Variants in TUBD1 observed in about 807,000 individuals in gnomAD.
The protein encoded by TUBD1 is tubulin delta 1.
A neutral mutation model predicts 51.2 loss-of-function variants in TUBD1; 38 were observed. The ratio of observed to expected loss-of-function variants is 0.74; its 90% CI spans 0.57 to 0.97. The LOEUF (loss-of-function observed/expected upper bound fraction) is 0.97. TUBD1 is among the 50% of genes least tolerant of loss of function. TUBD1 has a pLI of 0.00. For missense variants in TUBD1, 489 were observed against 538.4 expected, an observed-to-expected ratio of 0.91 and a Z score of 0.91; for synonymous variants, 169 against 178.2, an observed-to-expected ratio of 0.95 and a Z score of 0.41.
chr17:59,862,288 A>T (rs1268459053), intron 8 of TUBD1, among the ~76,000 whole-genome samples: 1 of 149,824 alleles, frequency 6.7e-6, no homozygotes, highest in Non-Finnish European at 1.5e-5. Flanking sequence ...ATGCCATTGC[A>T]CTCCAGTCTG....
chr17:59,885,040 T>C, intron 3 of TUBD1: 2 of 334,548 alleles, frequency 6.0e-6, no homozygotes, highest in South Asian at 2.7e-5. Flanking sequence ...GCCAGGGTCC[T>C]GGGAGTCCAG....
At chr17:59,870,409 C>CAAAAAAA (rs2039930459) in intron 6 of TUBD1, among the ~76,000 whole-genome samples, 1 of 86,792 alleles carries the variant, frequency 1.2e-5, no homozygotes, top group Non-Finnish European at 2.5e-5. Context: ...AAAAAAAAAT[C>CAAAAAAA]AAAGTGTAAA....
intron 6 of TUBD1, among the ~76,000 whole-genome samples, chr17:59,871,362 G>C (rs1018586416): frequency 1.3e-5 from 2 of 151,966 alleles, no homozygotes; most frequent in African/African-American, 4.8e-5. Flanking sequence ...ACCATGCCTG[G>C]CTAATTTTTT....
intron 6 of TUBD1, among the ~76,000 whole-genome samples, chr17:59,868,739 A>G (rs2039836176): frequency 6.6e-6 from 1 of 152,030 alleles, no homozygotes; most frequent in Non-Finnish European, 1.5e-5. Flanking sequence ...CAGGAGGCTG[A>G]GGCAGGGGAA....
At chr17:59,875,064 T>C (rs1179261511) in intron 5 of TUBD1, among the ~76,000 whole-genome samples, 1 of 147,462 alleles carries the variant, frequency 6.8e-6, no homozygotes, top group Non-Finnish European at 1.5e-5. Flanking sequence ...CACTAAATAT[T>C]GTTATATTCT....
chr17:59,875,810 G>T (rs967900110), intron 5 of TUBD1, among the ~76,000 whole-genome samples: 1 of 151,792 alleles, frequency 6.6e-6, no homozygotes, highest in Non-Finnish European at 1.5e-5. Context: ...TATTCCTTAA[G>T]ATAGGAATGT....
chr17:59,869,198 G>A (rs750829715), intron 6 of TUBD1, among the ~76,000 whole-genome samples: 6 of 151,756 alleles, frequency 4.0e-5, no homozygotes, highest in African/African-American at 9.7e-5. Flanking sequence ...ACACCCGGCC[G>A]GGCATGGTGG....
intron 2 of TUBD1, among the ~76,000 whole-genome samples, 194 bp downstream of exon 2, chr17:59,890,637 T>G (rs2040956412): frequency 6.6e-6 from 1 of 152,168 alleles, no homozygotes; most frequent in Non-Finnish European, 1.5e-5. Context: ...GGTTTTAAAT[T>G]GGTGAGATCT....
chr17:59,888,833 TC>T (rs1262544526), intron 2 of TUBD1, among the ~76,000 whole-genome samples: 1 of 151,282 alleles, frequency 6.6e-6, no homozygotes, highest in Non-Finnish European at 1.5e-5. Context: ...TGCCTCAGCC[TC>T]CCAAGTAGCT....
At chr17:59,887,951 TTG>T (rs913734212) in intron 2 of TUBD1, among the ~76,000 whole-genome samples, 2 of 151,924 alleles carry the variant, frequency 1.3e-5, no homozygotes, top group African/African-American at 4.8e-5. Flanking sequence ...TTTTTTTTTT[TTG>T]AGATGGAGTC....
chr17:59,863,975 C>T (rs891335826), intron 7 of TUBD1, 128 bp from the exon 8 acceptor site: 178 of 843,262 alleles, frequency 2.1e-4, no homozygotes, highest in Non-Finnish European at 1.2e-4. Context: ...CTTGTGATGG[C>T]TGGTGCAGAG....
chr17:59,861,913 A>G (rs2039467259), intron 8 of TUBD1, among the ~76,000 whole-genome samples: 2 of 150,416 alleles, frequency 1.3e-5, no homozygotes, highest in South Asian at 2.1e-4. Context: ...TGATTCGCCC[A>G]CCTTGGCCTC....
intron 3 of TUBD1, among the ~76,000 whole-genome samples, chr17:59,883,068 A>C (rs2040562194): frequency 6.6e-6 from 1 of 151,698 alleles, no homozygotes; most frequent in Non-Finnish European, 1.5e-5. Context: ...CACAAGCGAG[A>C]GCCACCATAC....
chr17:59,884,990 G>C (rs2040653424), intron 3 of TUBD1: 1 of 265,054 alleles, frequency 3.8e-6, no homozygotes, highest in South Asian at 3.9e-5. Flanking sequence ...CAGAATCTCA[G>C]CAGAAGGGAA....
intron 6 of TUBD1, among the ~76,000 whole-genome samples, chr17:59,869,305 C>T (rs887321666): frequency 1.7e-4 from 26 of 151,292 alleles, no homozygotes; most frequent in African/African-American, 6.1e-4. Context: ...GAAACCCCGT[C>T]TCTACTAAAA....
intron 2 of TUBD1, among the ~76,000 whole-genome samples, chr17:59,889,149 G>C (rs751267520): frequency 6.7e-6 from 1 of 150,348 alleles, no homozygotes; most frequent in Non-Finnish European, 1.5e-5. Flanking sequence ...GAATAACTGG[G>C]ATTACAGGTA....
At chr17:59,876,402 C>G (rs1022962944) in intron 5 of TUBD1, among the ~76,000 whole-genome samples, 1 of 149,122 alleles carries the variant, frequency 6.7e-6, no homozygotes, top group Admixed American at 6.8e-5. Context: ...ATTGCTCAGG[C>G]TGGAGTGCAT....
At chr17:59,879,498 T>C (rs1454145118) in intron 4 of TUBD1, among the ~76,000 whole-genome samples, 1 of 152,014 alleles carries the variant, frequency 6.6e-6, no homozygotes, top group East Asian at 1.9e-4. Flanking sequence ...TACAGTGACA[T>C]GATCTAGGCT....
chr17:59,878,492 T>C, intron 4 of TUBD1, 158 bp from the exon 5 acceptor site: 16 of 394,312 alleles, frequency 4.1e-5, no homozygotes, highest in East Asian at 2.7e-4. Context: ...CAGTTTCCTT[T>C]TTTTTTTTTT....
Sources: allele counts gnomAD v4.1 joint callset (sites outside exome capture counted in the v4.1 genomes callset), GRCh38; gene constraint gnomAD v4.1.1; transcripts MANE v1.5; gene names NCBI Gene and HGNC (gene_info 2026-07-23, HGNC 2026-07-21).